The following SESN2 variants were observed in gnomAD, a reference collection of about 807,000 sequenced individuals.
SESN2 encodes sestrin-2.
In SESN2, 42 loss-of-function variants were observed where a neutral mutation model predicts 56.0. That is an observed-to-expected ratio of 0.75 (90% CI 0.59 to 0.97). The LOEUF is 0.97. SESN2 is among the 50% of genes least tolerant of loss of function. SESN2 has a pLI of 0.00. For missense variants in SESN2, 507 were observed against 649.4 expected (o/e 0.78, Z 2.38); for synonymous variants, 264 against 267.1 (o/e 0.99, Z 0.11).
intron 5 of SESN2, 117 bp downstream of exon 5, chr1:28,272,910 T>C (rs956116345): frequency 9.5e-6 from 6 of 633,808 alleles, no homozygotes; most frequent in Admixed American, 6.0e-5. Context: ...TGAGAGACCA[T>C]AGAAAAGTTA....
chr1:28,262,011 C>T (rs2149035343), intron 1 of SESN2, among the ~76,000 whole-genome samples: 1 of 152,246 alleles, frequency 6.6e-6, no homozygotes, highest in East Asian at 1.9e-4. Flanking sequence ...GAACTCCTAA[C>T]CTCAGGTGAT....
At chr1:28,264,781 T>C (rs763806842) in intron 1 of SESN2, among the ~76,000 whole-genome samples, 1 of 152,200 alleles carries the variant, frequency 6.6e-6, no homozygotes, top group Non-Finnish European at 1.5e-5. Flanking sequence ...ATATAAAACA[T>C]TCCATCATCG....
chr1:28,260,133 T>G (rs1274872756), intron 1 of SESN2, among the ~76,000 whole-genome samples, 196 bp downstream of exon 1: 2 of 90,216 alleles, frequency 2.2e-5, no homozygotes, highest in African/African-American at 4.3e-5. Flanking sequence ...CTCTCCCTCC[T>G]TCTCCCCCTC....
At position 28,279,168 on chromosome 1, in the gene SESN2, T is replaced by G; in HGVS notation, c.1283T>G (p.Val428Gly). The G allele has an allele frequency of 6.2e-7, 1 of 1,614,162 alleles. No homozygotes were observed. The highest frequency in any genetic ancestry group is 8.5e-7 in the Non-Finnish European group (1 of 1,180,014). The change falls in exon 9 of 10, where the codon GTG becomes GGG. Residue 428 changes from valine (V) to glycine (G), a missense_variant. Physicochemically the swap from Val to Gly is moderately radical, Grantham distance 109. Transcript: ENST00000253063. ...AACCTCAAGGTCTATATCAAGACAG[T>G]GGCCTGCTACCCAGAGAAGACCACC... ...ERNLKVYIKT[V>G]ACYPEKTTRR...
intron 6 of SESN2, 107 bp from the exon 7 acceptor site, chr1:28,273,933 T>A (rs1647916138): frequency 1.3e-6 from 1 of 763,720 alleles, no homozygotes; most frequent in African/African-American, 1.7e-5. Context: ...AGGGGCTTTT[T>A]TTGGCCCTCT....
At position 28,274,893 on chromosome 1, in the gene SESN2, G is replaced by T. The variant is rs1424131871; in HGVS notation, c.1089G>T (p.Leu363=). 25 of 1,614,186 alleles carry T rather than the reference G, an allele frequency of 1.5e-5. No individual in the cohort carries two copies. The highest frequency in any genetic ancestry group is 2.0e-5 in the Non-Finnish European group (24 of 1,180,020). ...QRLYPEGGQL[L]DEKFQAAYSL... ...TTTACCCTGAGGGTGGGCAGCTGCT[G>T]GATGAGAAGTTCCAGGCAGCCTATA... Residue 363 remains leucine, a synonymous_variant, in exon 8 of 10, where the codon CTG becomes CTT. Coordinates refer to ENST00000253063, the MANE Select transcript of SESN2 (RefSeq NM_031459.5).
intron 8 of SESN2, among the ~76,000 whole-genome samples, chr1:28,277,109 C>A (rs1197110141): frequency 3.3e-4 from 50 of 151,150 alleles, no homozygotes; most frequent in Non-Finnish European, 5.3e-4. Context: ...GGGTTTCAGC[C>A]TGGTAGCCAG....
chr1:28,270,567 A>G (rs1415568817), intron 2 of SESN2, among the ~76,000 whole-genome samples: 2 of 151,654 alleles, frequency 1.3e-5, no homozygotes, highest in Non-Finnish European at 2.9e-5. Flanking sequence ...TTCATTTATA[A>G]GTGACCACCT....
Position 28,281,631 on chromosome 1 carries a change from A to G in SESN2, c.*829A>G, listed in dbSNP as rs1648244464. On this transcript the variant is annotated 3_prime_UTR_variant, in exon 10 of 10. Coordinates refer to ENST00000253063, the MANE Select transcript of SESN2 (RefSeq NM_031459.5). The stretch of plus-strand genomic sequence containing the variant: ...GAGAGGGAGAATTCTGTTCTCCCAG[A>G]GCTGCACCTGCCTCGCAGAGGCCAG... The G allele has an allele frequency of 6.6e-6, 1 of 152,178 alleles. No homozygotes were observed. Among genetic ancestry groups the G allele is most frequent in the Admixed American group, 6.5e-5 (1 of 15,274 alleles). The allele number at this position is 152,178 out of a possible 1,614,324, so 9.4% of individuals were successfully genotyped here.
intron 9 of SESN2, among the ~76,000 whole-genome samples, chr1:28,280,346 A>G (rs1383611849): frequency 1.3e-5 from 2 of 152,212 alleles, no homozygotes; most frequent in Non-Finnish European, 2.9e-5. Flanking sequence ...AGCTGGGATT[A>G]CAGGCATCCA....
chr1:28,271,700 C>G lies in SESN2; in HGVS notation c.183C>G (p.Leu61=). ...EEVLREGAES[L]EQHLGLEALM... is the part of the protein sequence containing the mutation. The stretch of plus-strand genomic sequence containing the variant: ...TCCTTCGGGAGGGGGCTGAGAGCCT[C>G]GAGCAGCACCTGGGGCTGGAGGCAC... The change falls in exon 3 of 10, where the codon CTC becomes CTG. Residue 61 remains leucine (L), a synonymous_variant. Coordinates refer to ENST00000253063, the MANE Select transcript of SESN2 (RefSeq NM_031459.5). The G allele has an allele frequency of 2.5e-6, 4 of 1,614,148 alleles. No individual in the cohort carries two copies. The highest frequency in any genetic ancestry group is 3.4e-6 in the Non-Finnish European group (4 of 1,180,036).
At chr1:28,264,186 G>A (rs1647480872) in intron 1 of SESN2, among the ~76,000 whole-genome samples, 2 of 152,094 alleles carry the variant, frequency 1.3e-5, no homozygotes, top group Admixed American at 1.3e-4. Context: ...GGGCTTGGTG[G>A]CGCATGCCTA....
chr1:28,269,254 C>T lies in SESN2; in HGVS notation c.156+6C>T. The T allele has an allele frequency of 6.2e-7, 1 of 1,608,028 alleles. No individual in the cohort carries two copies. The highest frequency in any genetic ancestry group is 8.5e-7 in the Non-Finnish European group (1 of 1,175,974). On this transcript the variant is annotated splice_donor_region_variant and intron_variant, in intron 2 of 9. Transcript: ENST00000253063. Reference sequence around the variant, plus strand: ...CCTTCATCCCCGTGGAGGAGGTAAGCTTGGAAGGGGTTAGGGATCTTTGGT... The same window carrying T: ...CCTTCATCCCCGTGGAGGAGGTAAGTTTGGAAGGGGTTAGGGATCTTTGGT...
chr1:28,273,343 G>T lies in SESN2; in HGVS notation c.751-15G>T. Reference sequence around the variant, plus strand: ...GGAGGAGGAGTAGCTGGTCACCACGGGGCCTCTCCTGCAGGGCTTTGAGTC... The same window carrying T: ...GGAGGAGGAGTAGCTGGTCACCACGTGGCCTCTCCTGCAGGGCTTTGAGTC... On this transcript the variant is annotated splice_polypyrimidine_tract_variant and intron_variant, in intron 5 of 9. Coordinates refer to ENST00000253063, the MANE Select transcript of SESN2 (RefSeq NM_031459.5). 1.9e-6 allele frequency: 3 copies of T among 1,564,610 alleles called. No individual in the cohort carries two copies. The highest frequency in any genetic ancestry group is 2.6e-6 in the Non-Finnish European group (3 of 1,153,302).
At chr1:28,270,223 C>T (rs892996984) in intron 2 of SESN2, among the ~76,000 whole-genome samples, 3 of 151,920 alleles carry the variant, frequency 2.0e-5, no homozygotes, top group Non-Finnish European at 4.4e-5. Context: ...TGGTGGCGGG[C>T]GCCTGTAATC....
intron 8 of SESN2, among the ~76,000 whole-genome samples, chr1:28,278,160 G>A (rs1648114896): frequency 6.6e-6 from 1 of 152,298 alleles, no homozygotes; most frequent in Middle Eastern, 3.4e-3. Flanking sequence ...ATGAGTACAA[G>A]CACCTTTTTA....
Position 28,280,746 on chromosome 1 carries a change from C to A in SESN2, c.1387C>A (p.Arg463Ser), listed in dbSNP as rs373820243. Residue 463 changes from arginine to serine, a missense_variant, in exon 10 of 10, where the codon CGC (arginine) becomes AGC (serine). Physicochemically the swap from Arg to Ser is moderately radical, Grantham distance 110 (BLOSUM62 -1). Transcript: ENST00000253063. ...CGTGAACTTGCTGCTCCTGGAGGCG[C>A]GCATGCAAGCCGCTCTGCTGTACGC... ...VHVNLLLLEA[R>S]MQAALLYALR... 5.0e-6 allele frequency: 8 copies of A among 1,613,434 alleles called. No homozygotes were observed. Among genetic ancestry groups the A allele is most frequent in the Non-Finnish European group, 6.8e-6 (8 of 1,179,982 alleles).
chr1:28,264,134 G>A (rs1183739702), intron 1 of SESN2, among the ~76,000 whole-genome samples: 3 of 150,994 alleles, frequency 2.0e-5, no homozygotes, highest in African/African-American at 7.3e-5. Context: ...GGGAGGCCAA[G>A]GTGAGCAGGT....
chr1:28,277,309 C>T (rs1298577688), intron 8 of SESN2, among the ~76,000 whole-genome samples: 1 of 151,650 alleles, frequency 6.6e-6, no homozygotes, highest in East Asian at 1.9e-4. Context: ...CTCAGGTGAT[C>T]CTTCTGCCTG....
Sources: gnomAD v4.1 joint callset for allele counts (sites outside exome capture counted in the v4.1 genomes callset) on GRCh38, gnomAD v4.1.1 for gene constraint, MANE v1.5 for transcripts, NCBI Gene and HGNC (gene_info 2026-07-23, HGNC 2026-07-21) for gene names.